Variants in GNA14 observed in about 807,000 individuals in gnomAD.
The protein encoded by GNA14 is G protein subunit alpha 14, also known as guanine nucleotide-binding protein subunit alpha-14.
Under a neutral mutation model 42.0 loss-of-function variants are expected in GNA14, and 50 were observed. The observed-to-expected ratio is 1.19, with a 90% CI of 0.95 to 1.51. The LOEUF (loss-of-function observed/expected upper bound fraction) is 1.51. GNA14 is among the 40% of genes most tolerant of loss of function. GNA14 has a pLI of 0.00. For synonymous variants in GNA14, 173 were observed against 163.1 expected (o/e 1.06, Z -0.46); for missense variants, 473 against 446.2 (o/e 1.06, Z -0.54).
At chr9:77,522,482 G>A (rs558595085) in intron 2 of GNA14, among the ~76,000 whole-genome samples, 228 of 152,300 alleles carry the variant, frequency 1.5e-3, no homozygotes, top group Non-Finnish European at 2.6e-3. Context: ...AATGCTGCCC[G>A]CACCATTTAC....
Position 77,604,475 on chromosome 9 carries a change from A to G in GNA14, c.124+43195T>C, listed in dbSNP as rs929486110. On this transcript the variant is annotated intron_variant, in intron 1 of 6. Coordinates refer to ENST00000341700, the MANE Select transcript of GNA14 (RefSeq NM_004297.4). ...TACACATGCTGTCACTAATCCTCTAAGTGAACCTGGCCACATGAGCAATGG... is the reference window on the plus strand; with the variant it reads ...TACACATGCTGTCACTAATCCTCTAGGTGAACCTGGCCACATGAGCAATGG... Among the ~76,000 whole-genome samples, 33 of 152,316 alleles carry G rather than the reference A, an allele frequency of 2.2e-4. No individual in the cohort carries two copies. The South Asian group carries it at 6.6e-3, about 31-fold the overall frequency.
chr9:77,570,600 A>G (rs1823044927), intron 1 of GNA14, among the ~76,000 whole-genome samples: 1 of 152,166 alleles, frequency 6.6e-6, no homozygotes, highest in South Asian at 2.1e-4. Flanking sequence ...ATAATATTCT[A>G]TTATGGCTAT....
chr9:77,635,045 T>G (rs915902399), intron 1 of GNA14, among the ~76,000 whole-genome samples: 2 of 152,200 alleles, frequency 1.3e-5, no homozygotes, highest in Non-Finnish European at 1.5e-5. Flanking sequence ...TAGGTTTTTT[T>G]GGGGAACAGG....
In GNA14 at chr9:77,544,671, C is replaced by CAA. The variant is rs397959672; in HGVS notation, c.125-15420_125-15419dup. Among the ~76,000 whole-genome samples the CAA allele has an allele frequency of 8.2e-3, 480 of 58,488 alleles. 11 individuals are homozygous for CAA. Among genetic ancestry groups the CAA allele is most frequent in the African/African-American group, 0.022 (438 of 19,792 alleles). The allele number at this position is 58,488 out of a possible 152,430, so 38.4% of individuals were successfully genotyped here. A position where few individuals can be genotyped will look rare whatever the true frequency, so the allele number is the denominator to read the frequency against. On this transcript the variant is annotated intron_variant, in intron 1 of 6. Coordinates refer to ENST00000341700, the MANE Select transcript of GNA14 (RefSeq NM_004297.4). ...GAGCCAAGATCACGTCACTGCATCT[C>CAA]AAAAAAAAAAAAAAAAAAAAGAAGG... is the stretch of plus-strand genomic sequence containing the variant.
rs371679973 is a variant in GNA14 at position 77,640,930 on chromosome 9, G to C, written c.124+6740C>G. ...GCATGTCACAGTGACACAGGAGCCA[G>C]CTTGAAGGGGATCTCATTGCACAAG... On this transcript the variant is annotated intron_variant, in intron 1 of 6. Coordinates refer to ENST00000341700, the MANE Select transcript of GNA14 (RefSeq NM_004297.4). Among the ~76,000 whole-genome samples the C allele has an allele frequency of 3.4e-5, 5 of 147,934 alleles. No homozygotes were observed. The East Asian group carries it at 8.0e-4, about 24-fold the overall frequency.
chr9:77,644,465 G>A (rs796279123), intron 1 of GNA14, among the ~76,000 whole-genome samples: 4,049 of 70,566 alleles, frequency 0.057, 74 homozygotes, highest in African/African-American at 0.16. Flanking sequence ...AAAAAAAAAA[G>A]ACACAGGAAT....
chr9:77,434,115 C>T (rs1835602135), intron 3 of GNA14, among the ~76,000 whole-genome samples: 18 of 152,160 alleles, frequency 1.2e-4, no homozygotes, highest in Admixed American at 1.1e-3. Context: ...TCATTGAAAA[C>T]GACAGGCTTA....
chr9:77,525,871 C>G (rs1481815778), intron 2 of GNA14, among the ~76,000 whole-genome samples: 1 of 149,262 alleles, frequency 6.7e-6, no homozygotes, highest in Non-Finnish European at 1.5e-5. Context: ...AGAATCTCAC[C>G]CATACCTAAT....
intron 2 of GNA14, among the ~76,000 whole-genome samples, chr9:77,440,278 C>T (rs1032686541): frequency 1.3e-5 from 2 of 152,234 alleles, no homozygotes; most frequent in South Asian, 2.1e-4. Flanking sequence ...GGCGCCCTGC[C>T]GGTTTCACGC....
intron 2 of GNA14, among the ~76,000 whole-genome samples, chr9:77,444,715 A>G (rs765038594): frequency 3.9e-4 from 59 of 152,166 alleles, no homozygotes; most frequent in Non-Finnish European, 7.1e-4. Flanking sequence ...ATCATTCCCC[A>G]GCACTCCGTG....
chr9:77,443,799 C>A (rs979359698), intron 2 of GNA14, among the ~76,000 whole-genome samples: 2 of 152,112 alleles, frequency 1.3e-5, no homozygotes, highest in Admixed American at 1.3e-4. Flanking sequence ...AAAAACAAGA[C>A]CCACATCTCT....
intron 1 of GNA14, among the ~76,000 whole-genome samples, chr9:77,615,755 T>G (rs1488331214): frequency 1.5e-5 from 2 of 133,736 alleles, no homozygotes; most frequent in Admixed American, 7.4e-5. Flanking sequence ...ACACACACGT[T>G]TAAATAATCA....
intron 1 of GNA14, among the ~76,000 whole-genome samples, chr9:77,550,808 C>G (rs1365419838): frequency 6.6e-6 from 1 of 152,192 alleles, no homozygotes; most frequent in East Asian, 1.9e-4. Flanking sequence ...ACAGGGGCAA[C>G]AAAATTATTC....
intron 1 of GNA14, among the ~76,000 whole-genome samples, chr9:77,614,426 C>A (rs937827115): frequency 6.6e-6 from 1 of 152,080 alleles, no homozygotes; most frequent in African/African-American, 2.4e-5. Context: ...TTAGTGTTTT[C>A]AGTGTTTTCT....
chr9:77,571,420 C>T (rs1167550123), intron 1 of GNA14, among the ~76,000 whole-genome samples: 1 of 152,160 alleles, frequency 6.6e-6, no homozygotes, highest in African/African-American at 2.4e-5. Flanking sequence ...AATCAATGCT[C>T]TAAGACTATG....
intron 2 of GNA14, among the ~76,000 whole-genome samples, chr9:77,513,415 A>G (rs190900787): frequency 1.3e-5 from 2 of 152,338 alleles, no homozygotes; most frequent in Admixed American, 6.5e-5. Flanking sequence ...AAGTGATAGT[A>G]CCTACATTGA....
At chr9:77,585,872 G>A (rs1430202060) in intron 1 of GNA14, among the ~76,000 whole-genome samples, 1 of 152,122 alleles carries the variant, frequency 6.6e-6, no homozygotes, top group East Asian at 1.9e-4. Flanking sequence ...AGACCTTTAT[G>A]TTGTTAGATT....
chr9:77,523,928 G>A (rs542197886), intron 2 of GNA14, among the ~76,000 whole-genome samples: 32 of 152,280 alleles, frequency 2.1e-4, no homozygotes, highest in Admixed American at 7.8e-4. Context: ...GGCCTAGAAT[G>A]AGAACTTCCC....
At chr9:77,575,872 G>A (rs1450002544) in intron 1 of GNA14, among the ~76,000 whole-genome samples, 3 of 152,144 alleles carry the variant, frequency 2.0e-5, no homozygotes, top group African/African-American at 7.2e-5. Flanking sequence ...AAGAAGACAA[G>A]TATAAGAACT....
Sources: allele counts gnomAD v4.1 joint callset (sites outside exome capture counted in the v4.1 genomes callset), GRCh38; gene constraint gnomAD v4.1.1; transcripts MANE v1.5; gene names NCBI Gene and HGNC (gene_info 2026-07-23, HGNC 2026-07-21).